FCHSD2: variants seen among roughly 807,000 people sequenced by gnomAD.
FCHSD2 encodes the protein F-BAR and double SH3 domains protein 2.
A neutral mutation model predicts 108.1 loss-of-function variants in FCHSD2; 38 were observed. The observed-to-expected ratio is 0.35, with a 90% CI of 0.27 to 0.46. FCHSD2 has a LOEUF of 0.46. Among genes scored for constraint, FCHSD2 ranks in the 20% least tolerant of loss-of-function variants. The pLI is 1.00. For missense variants in FCHSD2, 751 were observed against 897.8 expected (o/e 0.84, Z 2.09); for synonymous variants, 279 against 314.7 (o/e 0.89, Z 1.20).
chr11:73,035,181 TGTATGTATGTATGTATGTATGTAC>T (rs1436444381), intron 3 of FCHSD2, among the ~76,000 whole-genome samples: 50 of 136,538 alleles, frequency 3.7e-4, no homozygotes, highest in Admixed American at 9.8e-4. Flanking sequence ...TATGTATGTA[TGTATGTATGTATGTATGTATGTAC>T]GTACTAAGAC....
intron 8 of FCHSD2, among the ~76,000 whole-genome samples, chr11:72,945,385 T>C (rs1266920200): frequency 2.0e-5 from 3 of 152,186 alleles, no homozygotes; most frequent in Non-Finnish European, 2.9e-5. Context: ...TTACACCTTA[T>C]ACAAAAATTA....
At chr11:72,991,512 C>A (rs1565357754) in intron 5 of FCHSD2, among the ~76,000 whole-genome samples, 1 of 152,122 alleles carries the variant, frequency 6.6e-6, no homozygotes, top group Non-Finnish European at 1.5e-5. Context: ...GCTTATCCAC[C>A]ATGATCAAGT....
At chr11:72,909,368 G>A (rs1459825749) in intron 9 of FCHSD2, among the ~76,000 whole-genome samples, 4 of 152,080 alleles carry the variant, frequency 2.6e-5, no homozygotes, top group Admixed American at 6.6e-5. Context: ...GTGCAGTGGC[G>A]TGATCTCGGC....
intron 3 of FCHSD2, among the ~76,000 whole-genome samples, chr11:73,066,689 GT>G (rs1859301368): frequency 6.6e-6 from 1 of 151,862 alleles, no homozygotes; most frequent in East Asian, 1.9e-4. Flanking sequence ...TGAACAGACA[GT>G]TCTCAAAAGA....
At chr11:73,120,472 G>A (rs1357899623) in intron 2 of FCHSD2, among the ~76,000 whole-genome samples, 2 of 152,168 alleles carry the variant, frequency 1.3e-5, no homozygotes, top group African/African-American at 2.4e-5. Flanking sequence ...GCTCACACCC[G>A]TAATCCTGGC....
intron 3 of FCHSD2, among the ~76,000 whole-genome samples, chr11:73,040,448 T>C (rs189939143): frequency 7.2e-5 from 11 of 152,338 alleles, no homozygotes; most frequent in Non-Finnish European, 1.5e-4. Flanking sequence ...TGTATATTTC[T>C]CAAACACCAT....
At chr11:73,076,704 A>G (rs1490709209) in intron 3 of FCHSD2, among the ~76,000 whole-genome samples, 1 of 152,258 alleles carries the variant, frequency 6.6e-6, no homozygotes, top group Admixed American at 6.5e-5. Flanking sequence ...TTAAAAGTAT[A>G]CATAAAAGTA....
chr11:72,993,080 C>T (rs1258278367), intron 5 of FCHSD2, among the ~76,000 whole-genome samples: 3 of 152,016 alleles, frequency 2.0e-5, no homozygotes, highest in Non-Finnish European at 2.9e-5. Flanking sequence ...CAAACAACCC[C>T]ATCAAAAAGT....
chr11:72,882,867 C>T (rs549404359), intron 12 of FCHSD2, among the ~76,000 whole-genome samples: 2 of 152,174 alleles, frequency 1.3e-5, no homozygotes, highest in South Asian at 4.2e-4. Context: ...TGAGAATAGT[C>T]CAAATAATTC....
chr11:72,890,396 G>T (rs975328518), intron 10 of FCHSD2, among the ~76,000 whole-genome samples: 3 of 151,068 alleles, frequency 2.0e-5, no homozygotes, highest in Non-Finnish European at 3.0e-5. Context: ...TATAATAACA[G>T]CAACACAATC....
At chr11:72,845,442 A>G (rs971541816) in intron 14 of FCHSD2, among the ~76,000 whole-genome samples, 5 of 42,848 alleles carry the variant, frequency 1.2e-4, no homozygotes, top group Non-Finnish European at 2.4e-4. Flanking sequence ...TGTCTCAAAA[A>G]AAAAAAAAAA....
At chr11:72,872,898 A>T (rs559468769) in intron 12 of FCHSD2, among the ~76,000 whole-genome samples, 2 of 152,180 alleles carry the variant, frequency 1.3e-5, no homozygotes, top group Non-Finnish European at 2.9e-5. Flanking sequence ...TTATCATTTG[A>T]TCCCACCAGT....
intron 2 of FCHSD2, among the ~76,000 whole-genome samples, chr11:73,112,335 T>C (rs1461324484): frequency 6.6e-6 from 1 of 152,226 alleles, no homozygotes; most frequent in African/African-American, 2.4e-5. Flanking sequence ...TCTGTAAGGT[T>C]TCCACAGAAA....
chr11:72,938,554 G>A (rs1303607951), intron 8 of FCHSD2, among the ~76,000 whole-genome samples: 3 of 152,124 alleles, frequency 2.0e-5, no homozygotes, highest in Non-Finnish European at 4.4e-5. Context: ...TTTGCAAGGT[G>A]TCCTTTTCCT....
At chr11:73,068,838 A>AG (rs1491189847) in intron 3 of FCHSD2, among the ~76,000 whole-genome samples, 1 of 150,120 alleles carries the variant, frequency 6.7e-6, no homozygotes, top group Non-Finnish European at 1.5e-5. Flanking sequence ...AAAAAGAAAA[A>AG]GAAAAAAAAA....
At chr11:73,086,888 A>C (rs1483128577) in intron 2 of FCHSD2, among the ~76,000 whole-genome samples, 2 of 152,236 alleles carry the variant, frequency 1.3e-5, no homozygotes, top group Non-Finnish European at 2.9e-5. Flanking sequence ...AAGGAAGACA[A>C]ATCTGATATA....
chr11:73,056,058 C>A (rs1370703776), intron 3 of FCHSD2, among the ~76,000 whole-genome samples: 1 of 152,106 alleles, frequency 6.6e-6, no homozygotes, highest in Non-Finnish European at 1.5e-5. Flanking sequence ...AGCCCCACCC[C>A]ATAAAAAAAA....
At position 72,917,014 on chromosome 11, in the gene FCHSD2, T is replaced by C. The variant is rs541519758; in HGVS notation, c.828+4814A>G. ...TTTTTTTTTTTTTTGAAGCAGAGTGTTGCTCTGTCGCCCAGGCTGGAGTGC... is the reference window on the plus strand; with the variant it reads ...TTTTTTTTTTTTTTGAAGCAGAGTGCTGCTCTGTCGCCCAGGCTGGAGTGC... On this transcript the variant is annotated intron_variant, in intron 9 of 19. Transcript: ENST00000409418. Among the ~76,000 whole-genome samples, 12 of 144,002 alleles carry C rather than the reference T, an allele frequency of 8.3e-5. No individual in the cohort carries two copies. In the South Asian group the frequency reaches 2.6e-3, roughly 31 times the overall value. The allele number at this position is 144,002 out of a possible 152,430, so 94.5% of individuals were successfully genotyped here.
At chr11:73,042,254 A>G (rs1858658252) in intron 3 of FCHSD2, among the ~76,000 whole-genome samples, 1 of 152,110 alleles carries the variant, frequency 6.6e-6, no homozygotes, top group Non-Finnish European at 1.5e-5. Context: ...GGTGAAAGAC[A>G]GGGGTCATTC....
Sources: gnomAD v4.1 joint callset for allele counts (sites outside exome capture counted in the v4.1 genomes callset) on GRCh38, gnomAD v4.1.1 for gene constraint, MANE v1.5 for transcripts, NCBI Gene and HGNC (gene_info 2026-07-23, HGNC 2026-07-21) for gene names.